NAALADL2: variants seen among roughly 807,000 people sequenced by gnomAD.
The protein encoded by NAALADL2 is N-acetylated alpha-linked acidic dipeptidase like 2, also known as inactive N-acetylated-alpha-linked acidic dipeptidase-like protein 2.
A neutral mutation model predicts 87.2 loss-of-function variants in NAALADL2; 76 were observed. The ratio of observed to expected loss-of-function variants is 0.87; its 90% CI spans 0.72 to 1.05. The LOEUF (loss-of-function observed/expected upper bound fraction) is 1.05, where lower values mean the gene tolerates loss of function less well. NAALADL2 is among the 50% of genes least tolerant of loss of function. NAALADL2 has a pLI of 0.00. For synonymous variants in NAALADL2, 354 were observed against 331.0 expected, an observed-to-expected ratio of 1.07 and a Z score of -0.75; for missense variants, 1,089 against 945.8, an observed-to-expected ratio of 1.15 and a Z score of -1.99.
At chr3:175,789,096 C>G (rs913063027) in intron 13 of NAALADL2, among the ~76,000 whole-genome samples, 1 of 152,114 alleles carries the variant, frequency 6.6e-6, no homozygotes, top group African/African-American at 2.4e-5. Context: ...AAGACCATAA[C>G]TCTGAAACTG....
At chr3:174,827,044 T>G (rs1722074497) in intron 3 of NAALADL2, among the ~76,000 whole-genome samples, 1 of 152,232 alleles carries the variant, frequency 6.6e-6, no homozygotes, top group South Asian at 2.1e-4. Context: ...TATATGTTTA[T>G]TTTTTATTGC....
chr3:175,565,275 G>A (rs1220137528), intron 9 of NAALADL2, among the ~76,000 whole-genome samples: 1 of 152,154 alleles, frequency 6.6e-6, no homozygotes. Context: ...TCATCTCATA[G>A]AATTGCATTA....
intron 2 of NAALADL2, among the ~76,000 whole-genome samples, chr3:175,218,483 AAATAT>A (rs1742874811): frequency 1.3e-5 from 2 of 148,610 alleles, no homozygotes; most frequent in African/African-American, 5.3e-5. Context: ...TTTTTTATCC[AAATAT>A]AATATATATG....
At chr3:175,719,240 A>G (rs1382665642) in intron 11 of NAALADL2, among the ~76,000 whole-genome samples, 1 of 151,944 alleles carries the variant, frequency 6.6e-6, no homozygotes, top group East Asian at 1.9e-4. Flanking sequence ...AAAAGGAAAG[A>G]CTGGTATCTT....
intron 1 of NAALADL2, among the ~76,000 whole-genome samples, chr3:174,887,064 C>G (rs1730249586): frequency 1.3e-5 from 2 of 152,154 alleles, no homozygotes; most frequent in Admixed American, 6.5e-5. Flanking sequence ...GATGCTGTAG[C>G]TTATATAAGG....
chr3:175,131,840 T>G (rs1285960455), intron 2 of NAALADL2, among the ~76,000 whole-genome samples: 1 of 90,594 alleles, frequency 1.1e-5, no homozygotes, highest in African/African-American at 4.9e-5. Context: ...CCCACCTCCC[T>G]CCCGGACGGG....
chr3:175,000,722 A>G (rs527440190), intron 1 of NAALADL2, among the ~76,000 whole-genome samples: 14 of 152,338 alleles, frequency 9.2e-5, no homozygotes, highest in African/African-American at 3.4e-4. Context: ...TCAGTCACTT[A>G]TTTTATAAGA....
At chr3:174,529,941 G>A (rs947325835) in intron 1 of NAALADL2, among the ~76,000 whole-genome samples, 4 of 152,130 alleles carry the variant, frequency 2.6e-5, no homozygotes, top group African/African-American at 9.7e-5. Context: ...ACCTGCCTTG[G>A]AGACATTTTC....
At chr3:174,533,061 C>G (rs559551251) in intron 1 of NAALADL2, among the ~76,000 whole-genome samples, 2 of 148,734 alleles carry the variant, frequency 1.3e-5, no homozygotes, top group South Asian at 2.1e-4. Context: ...TTACAGACAC[C>G]CCTTACCCTT....
intron 2 of NAALADL2, among the ~76,000 whole-genome samples, chr3:175,131,988 G>A (rs1728036376): frequency 8.5e-6 from 1 of 117,836 alleles, no homozygotes; most frequent in South Asian, 3.0e-4. Flanking sequence ...CAGCTGGCCG[G>A]GAGGGGGACT....
intron 3 of NAALADL2, among the ~76,000 whole-genome samples, chr3:175,243,342 A>ACACACACACG (rs745814999): frequency 4.6e-5 from 7 of 150,836 alleles, no homozygotes; most frequent in Non-Finnish European, 1.5e-5. Context: ...ACACACACAC[A>ACACACACACG]CACGCACGCA....
chr3:175,594,304 C>T (rs775820602), intron 10 of NAALADL2, among the ~76,000 whole-genome samples: 1 of 152,086 alleles, frequency 6.6e-6, no homozygotes, highest in Non-Finnish European at 1.5e-5. Context: ...CCAGTTCTAT[C>T]CTTGTTCTTT....
chr3:175,664,856 A>G (rs1434362899), intron 11 of NAALADL2, among the ~76,000 whole-genome samples: 1 of 152,078 alleles, frequency 6.6e-6, no homozygotes, highest in Non-Finnish European at 1.5e-5. Context: ...TTCCTATCAA[A>G]TCCTATCAAA....
chr3:175,062,567 C>T (rs1171118543), intron 1 of NAALADL2, among the ~76,000 whole-genome samples: 1 of 148,034 alleles, frequency 6.8e-6, no homozygotes, highest in East Asian at 2.1e-4. Flanking sequence ...GCTATTTCTT[C>T]CAAAGTGGTG....
intron 2 of NAALADL2, among the ~76,000 whole-genome samples, chr3:174,588,670 C>T (rs1302652482): frequency 6.6e-6 from 1 of 152,210 alleles, no homozygotes; most frequent in Non-Finnish European, 1.5e-5. Flanking sequence ...TGGGTATCAG[C>T]AGCAGAGGCT....
chr3:175,312,410 T>G (rs1310034584), intron 4 of NAALADL2, among the ~76,000 whole-genome samples: 1 of 152,138 alleles, frequency 6.6e-6, no homozygotes, highest in African/African-American at 2.4e-5. Flanking sequence ...CTATGTACAT[T>G]AATCCCCATG....
At chr3:174,491,779 A>T (rs1314882752) in intron 1 of NAALADL2, among the ~76,000 whole-genome samples, 1 of 152,146 alleles carries the variant, frequency 6.6e-6, no homozygotes, top group African/African-American at 2.4e-5. Flanking sequence ...TATATGAATC[A>T]TTGTCTATCA....
intron 1 of NAALADL2, among the ~76,000 whole-genome samples, chr3:174,977,406 T>A (rs1240410342): frequency 2.0e-5 from 3 of 152,216 alleles, no homozygotes; most frequent in Non-Finnish European, 2.9e-5. Context: ...ATTACAGGCA[T>A]GAGCCACTGC....
At chr3:175,217,946 CAAAT>C (rs1323486715) in intron 2 of NAALADL2, 4 of 218,306 alleles carry the variant, frequency 1.8e-5, no homozygotes, top group African/African-American at 4.6e-5. Context: ...CAGTGACTAT[CAAAT>C]AAAGGGCAGT....
Sources: allele counts gnomAD v4.1 joint callset (sites outside exome capture counted in the v4.1 genomes callset), GRCh38; gene constraint gnomAD v4.1.1; transcripts MANE v1.5; gene names NCBI Gene and HGNC (gene_info 2026-07-23, HGNC 2026-07-21).